Variants in B3GAT2 observed in about 807,000 individuals in gnomAD.
B3GAT2 encodes beta-1,3-glucuronyltransferase 2, also known as galactosylgalactosylxylosylprotein 3-beta-glucuronosyltransferase 2.
Under a neutral mutation model 27.8 loss-of-function variants are expected in B3GAT2, and 26 were observed. The observed-to-expected ratio is 0.93, with a 90% confidence interval of 0.68 to 1.30. The LOEUF is 1.30. Among genes scored for constraint, B3GAT2 ranks in the 50% most tolerant of loss-of-function variants. The pLI, the probability that B3GAT2 is intolerant of heterozygous loss-of-function variation, is 0.00. For missense variants in B3GAT2, 458 were observed against 459.0 expected, an observed-to-expected ratio of 1.00 and a Z score of 0.02; for synonymous variants, 218 against 195.1, an observed-to-expected ratio of 1.12 and a Z score of -0.98.
intron 2 of B3GAT2, among the ~76,000 whole-genome samples, chr6:70,876,202 T>C (rs980825883): frequency 3.3e-5 from 5 of 152,208 alleles, no homozygotes; most frequent in African/African-American, 1.2e-4. Context: ...ACCCAGAAAA[T>C]ATAGCAGAGC....
intron 2 of B3GAT2, among the ~76,000 whole-genome samples, chr6:70,869,487 G>A (rs1771901297): frequency 6.6e-6 from 1 of 152,236 alleles, no homozygotes; most frequent in African/African-American, 2.4e-5. Flanking sequence ...AGATTAATTG[G>A]GGGAATATTG....
At chr6:70,927,578 A>G (rs1393426943) in intron 1 of B3GAT2, among the ~76,000 whole-genome samples, 1 of 152,218 alleles carries the variant, frequency 6.6e-6, no homozygotes, top group Non-Finnish European at 1.5e-5. Context: ...AGAGACAAAG[A>G]AGGCCGTTAA....
intron 2 of B3GAT2, among the ~76,000 whole-genome samples, chr6:70,876,119 C>T (rs1204413413): frequency 6.6e-6 from 1 of 152,140 alleles, no homozygotes; most frequent in East Asian, 1.9e-4. Context: ...ATGGCAGAGT[C>T]AACATGCTTG....
In B3GAT2 at chr6:70,926,026, A is replaced by C. The variant is rs9455250; in HGVS notation, c.591+29813T>G. Reference sequence around the variant, plus strand: ...CAGCCTCTGCTGGTGACACCCAGGCAAACAGCGTCTGGAGTAGACCTCCAG... The same window carrying C: ...CAGCCTCTGCTGGTGACACCCAGGCCAACAGCGTCTGGAGTAGACCTCCAG... On this transcript the variant is annotated intron_variant, in intron 1 of 3. Transcript: ENST00000230053. Among the ~76,000 whole-genome samples, 1,142 of 152,342 alleles carry C rather than the reference A, an allele frequency of 7.5e-3. 15 individuals carry two copies. Among genetic ancestry groups the C allele is most frequent in the African/African-American group, 0.026 (1,076 of 41,578 alleles).
At chr6:70,905,621 G>A (rs944158079) in intron 1 of B3GAT2, among the ~76,000 whole-genome samples, 7 of 152,148 alleles carry the variant, frequency 4.6e-5, no homozygotes, top group African/African-American at 1.7e-4. Flanking sequence ...CAGACAGCAT[G>A]TTGCTCGCCT....
intron 1 of B3GAT2, among the ~76,000 whole-genome samples, chr6:70,944,021 C>A (rs1478582267): frequency 6.6e-6 from 1 of 152,066 alleles, no homozygotes; most frequent in Non-Finnish European, 1.5e-5. Context: ...TTTAGTAATT[C>A]CACAATGTAT....
chr6:70,941,890 G>T (rs1008433288), intron 1 of B3GAT2, among the ~76,000 whole-genome samples: 3 of 152,018 alleles, frequency 2.0e-5, no homozygotes, highest in African/African-American at 7.3e-5. Flanking sequence ...TTCCTACCCT[G>T]GTATTCTAGT....
chr6:70,892,095 A>G (rs186914775), intron 2 of B3GAT2, among the ~76,000 whole-genome samples: 7 of 152,318 alleles, frequency 4.6e-5, no homozygotes, highest in Non-Finnish European at 8.8e-5. Context: ...CTTTATTCCT[A>G]TTTTAAAACC....
intron 2 of B3GAT2, among the ~76,000 whole-genome samples, chr6:70,862,507 C>G (rs919817864): frequency 1.4e-4 from 21 of 152,050 alleles, no homozygotes; most frequent in African/African-American, 5.1e-4. Flanking sequence ...TGAATCATAC[C>G]TAATTTTTAA....
rs1296987673 is a variant in B3GAT2, at chr6:70,956,632, C to G, written c.-203G>C. The G allele has an allele frequency of 1.4e-6, 2 of 1,420,086 alleles. No homozygotes were observed. Among genetic ancestry groups the G allele is most frequent in the Non-Finnish European group, 1.8e-6 (2 of 1,093,068 alleles). 88.0% of individuals were successfully genotyped at this position (1,420,086 alleles called of 1,614,324 possible). A position where few individuals can be genotyped will look rare whatever the true frequency, so the allele number is the denominator to read the frequency against. The stretch of plus-strand genomic sequence containing the variant: ...AGCGGCAGGTTCGCGCAAGCTAGAG[C>G]GACAAGGGGTGCAGGCGGGCGGGCA... On this transcript the variant is annotated 5_prime_UTR_variant, in exon 1 of 4. Transcript: ENST00000230053.
rs573827063 is a variant in B3GAT2, at chr6:70,952,241, G to A, written c.591+3598C>T. On this transcript the variant is annotated intron_variant, in intron 1 of 3. Transcript: ENST00000230053. Reference sequence around the variant, plus strand: ...GAAACATCTTCTAGATGCAATCTCAGTCACTGACTCCTTTGATAACCCCTT... The same window carrying A: ...GAAACATCTTCTAGATGCAATCTCAATCACTGACTCCTTTGATAACCCCTT... Among the ~76,000 whole-genome samples the A allele has an allele frequency of 2.0e-5, 3 of 152,198 alleles. No individual in the cohort carries two copies. The South Asian group carries it at 6.2e-4, about 32-fold the overall frequency.
At chr6:70,944,436 C>CTCGGAGG (rs60997808) in intron 1 of B3GAT2, among the ~76,000 whole-genome samples, 1 of 13,872 alleles carries the variant, frequency 7.2e-5, no homozygotes, top group Non-Finnish European at 1.4e-4. Context: ...CCACACATGG[C>CTCGGAGG]GCCCACGGAG....
At chr6:70,871,419 A>T (rs1173127141) in intron 2 of B3GAT2, among the ~76,000 whole-genome samples, 7 of 151,806 alleles carry the variant, frequency 4.6e-5, no homozygotes, top group Admixed American at 4.6e-4. Context: ...GTTGATTATT[A>T]ATTCAATCTC....
intron 2 of B3GAT2, among the ~76,000 whole-genome samples, chr6:70,877,019 T>A (rs562808338): frequency 6.6e-6 from 1 of 152,290 alleles, no homozygotes; most frequent in East Asian, 1.9e-4. Flanking sequence ...CAATGATGGG[T>A]GACAAGGCTG....
At chr6:70,920,887 T>C (rs1229462342) in intron 1 of B3GAT2, among the ~76,000 whole-genome samples, 1 of 152,228 alleles carries the variant, frequency 6.6e-6, no homozygotes, top group Non-Finnish European at 1.5e-5. Context: ...CTCCTTTGCT[T>C]ATTAAGCTTA....
rs576996499 is a variant in B3GAT2 at position 70,924,904 on chromosome 6, C to T, written c.592-30632G>A. 2.0e-5 allele frequency among the ~76,000 whole-genome samples: 3 copies of T among 152,274 alleles called. No homozygotes were observed. The South Asian group carries it at 6.2e-4, about 32-fold the overall frequency. On this transcript the variant is annotated intron_variant, in intron 1 of 3. Transcript: ENST00000230053. The stretch of plus-strand genomic sequence containing the variant: ...TCATTATTCTGCAAATCACAAGATT[C>T]GCAACTTCCTCAATTACTCCTGCAG...
chr6:70,928,155 T>C (rs1772995030), intron 1 of B3GAT2, among the ~76,000 whole-genome samples: 1 of 151,958 alleles, frequency 6.6e-6, no homozygotes, highest in South Asian at 2.1e-4. Context: ...AGACACAACA[T>C]ACCAGAATCT....
intron 1 of B3GAT2, among the ~76,000 whole-genome samples, chr6:70,919,204 G>T (rs957471746): frequency 5.9e-5 from 9 of 152,264 alleles, no homozygotes; most frequent in African/African-American, 2.2e-4. Context: ...TGAAGCTTGT[G>T]TATGTTTCAT....
At chr6:70,883,226 C>T (rs1030751428) in intron 2 of B3GAT2, among the ~76,000 whole-genome samples, 39 of 152,284 alleles carry the variant, frequency 2.6e-4, no homozygotes, top group African/African-American at 8.2e-4. Flanking sequence ...CTACTTTGGA[C>T]ATCCAAAAGA....
Sources: allele counts gnomAD v4.1 joint callset (sites outside exome capture counted in the v4.1 genomes callset), GRCh38; gene constraint gnomAD v4.1.1; transcripts MANE v1.5; gene names NCBI Gene and HGNC (gene_info 2026-07-23, HGNC 2026-07-21).